Variants in DLGAP2 observed in about 807,000 individuals in gnomAD.
DLGAP2 encodes disks large-associated protein 2.
A neutral mutation model predicts 100.3 loss-of-function variants in DLGAP2; 26 were observed. The ratio of observed to expected loss-of-function variants is 0.26; its 90% confidence interval spans 0.19 to 0.36. DLGAP2 has a LOEUF of 0.36. Among genes scored for constraint, DLGAP2 ranks in the 10% least tolerant of loss-of-function variants. The pLI, the probability that DLGAP2 is intolerant of heterozygous loss-of-function variation, is 1.00. For missense variants in DLGAP2, 1,858 were observed against 1,453.2 expected (o/e 1.28, Z -4.53); for synonymous variants, 886 against 630.1 (o/e 1.41, Z -6.08).
intron 2 of DLGAP2, among the ~76,000 whole-genome samples, chr8:1,241,079 G>A (rs1478486458): frequency 6.2e-5 from 4 of 64,650 alleles, no homozygotes; most frequent in South Asian, 8.1e-4. Context: ...ACATGGTGAC[G>A]TGTCTAGTTC....
Position 1,703,591 on chromosome 8 carries a change from C to T in DLGAP2, c.*2185C>T, listed in dbSNP as rs2130898422. The T allele has an allele frequency of 6.6e-6, 1 of 152,278 alleles. No homozygotes were observed. Among genetic ancestry groups the T allele is most frequent in the East Asian group, 1.9e-4 (1 of 5,182 alleles). 9.4% of individuals were successfully genotyped at this position (152,278 alleles called of 1,614,324 possible). ...AAAGGAAATGTAATGTGGATAAAGG[C>T]CCGCCACCTCCTCACATTGGTCTAT... On this transcript the variant is annotated 3_prime_UTR_variant, in exon 15 of 15. Coordinates refer to ENST00000637795, the MANE Select transcript of DLGAP2 (RefSeq NM_001346810.2).
At chr8:881,106 C>G (rs1797781964) in intron 1 of DLGAP2, among the ~76,000 whole-genome samples, 1 of 152,202 alleles carries the variant, frequency 6.6e-6, no homozygotes, top group Non-Finnish European at 1.5e-5. Context: ...ATAAAAATGA[C>G]TTAGAGCAAT....
chr8:1,325,377 C>T (rs971911515), intron 3 of DLGAP2, among the ~76,000 whole-genome samples: 7 of 152,228 alleles, frequency 4.6e-5, no homozygotes, highest in East Asian at 1.9e-4. Context: ...GGCGTCCTCC[C>T]ACCTCCAGCA....
intron 3 of DLGAP2, among the ~76,000 whole-genome samples, chr8:1,434,329 G>A (rs1180492761): frequency 6.6e-6 from 1 of 152,166 alleles, no homozygotes; most frequent in Non-Finnish European, 1.5e-5. Flanking sequence ...GACACCAGGT[G>A]GAAGAGCCAT....
rs534069587 is a variant in DLGAP2 at position 1,506,078 on chromosome 8, C to A, written c.172+4647C>A. ...TACTTAGAGCCTTCCACCTGGCAGG[C>A]ACATAGATTGTGAACATGTTTTTAT... On this transcript the variant is annotated intron_variant, in intron 4 of 14. Transcript: ENST00000637795. 5.2e-4 allele frequency among the ~76,000 whole-genome samples: 79 copies of A among 152,304 alleles called. No homozygotes were observed. The South Asian group carries it at 0.016, about 30-fold the overall frequency.
chr8:1,305,803 C>T lies in DLGAP2; in HGVS notation c.106+46920C>T, dbSNP rs549180950. Among the ~76,000 whole-genome samples, 20 of 152,254 alleles carry T rather than the reference C, an allele frequency of 1.3e-4. No homozygotes were observed. The South Asian group carries it at 2.7e-3, about 21-fold the overall frequency. ...AGAGCACTTGAGTAACAACAGCTAC[C>T]GCCCCACTCAACAGCAGATGACTGA... On this transcript the variant is annotated intron_variant, in intron 3 of 14. Coordinates refer to ENST00000637795, the MANE Select transcript of DLGAP2 (RefSeq NM_001346810.2).
At chr8:1,322,679 G>A (rs147735727) in intron 3 of DLGAP2, among the ~76,000 whole-genome samples, 6 of 152,120 alleles carry the variant, frequency 3.9e-5, no homozygotes, top group Admixed American at 2.6e-4. Flanking sequence ...ATCGTGCTGC[G>A]TCCTGCCTCT....
intron 12 of DLGAP2, among the ~76,000 whole-genome samples, chr8:1,682,524 G>C (rs757069593): frequency 1.1e-4 from 17 of 151,652 alleles, no homozygotes; most frequent in South Asian, 2.1e-4. Context: ...TCCCAGGCTG[G>C]AGTGCAATGG....
At chr8:1,236,890 A>T (rs1296408208) in intron 2 of DLGAP2, among the ~76,000 whole-genome samples, 1 of 120,644 alleles carries the variant, frequency 8.3e-6, no homozygotes, top group Non-Finnish European at 1.7e-5. Flanking sequence ...TAGTTCTCTA[A>T]CATGGCGCCA....
intron 1 of DLGAP2, among the ~76,000 whole-genome samples, chr8:762,954 G>C (rs927290827): frequency 1.3e-5 from 2 of 152,184 alleles, no homozygotes; most frequent in Non-Finnish European, 2.9e-5. Context: ...TGGGATTACA[G>C]GCGTGAGCCA....
intron 2 of DLGAP2, among the ~76,000 whole-genome samples, chr8:1,187,798 A>G (rs1210544953): frequency 1.6e-5 from 2 of 128,728 alleles, no homozygotes; most frequent in Non-Finnish European, 3.1e-5. Flanking sequence ...CGTTTGCCTC[A>G]TGGAATCTCA....
chr8:868,175 G>C (rs953954498), intron 1 of DLGAP2, among the ~76,000 whole-genome samples: 12 of 152,280 alleles, frequency 7.9e-5, no homozygotes, highest in South Asian at 4.1e-4. Context: ...AGTGAGTAAA[G>C]GGTTTATGAG....
chr8:1,354,412 C>G (rs1801802265), intron 3 of DLGAP2, among the ~76,000 whole-genome samples: 1 of 152,178 alleles, frequency 6.6e-6, no homozygotes, highest in South Asian at 2.1e-4. Context: ...ACTCGGGAGA[C>G]TGAGGCACCA....
chr8:1,548,909 G>A lies in DLGAP2; in HGVS notation c.456G>A (p.Leu152=). 1 of 1,597,874 alleles carries A rather than the reference G, an allele frequency of 6.3e-7. No individual in the cohort carries two copies. The highest frequency in any genetic ancestry group is 8.5e-7 in the Non-Finnish European group (1 of 1,178,876). ...HSECVMMPVV[L]GDHVSSSTFP... is the part of the protein sequence containing the mutation. Reference sequence around the variant, plus strand: ...AGTGCGTGATGATGCCGGTGGTGCTGGGCGACCACGTGTCCAGCAGCACCT... The same window carrying A: ...AGTGCGTGATGATGCCGGTGGTGCTAGGCGACCACGTGTCCAGCAGCACCT... Residue 152 remains leucine, a synonymous_variant, in exon 5 of 15, where the codon CTG becomes CTA. Coordinates refer to ENST00000637795, the MANE Select transcript of DLGAP2 (RefSeq NM_001346810.2).
At chr8:1,206,500 T>G (rs1304679244) in intron 2 of DLGAP2, among the ~76,000 whole-genome samples, 475 of 151,500 alleles carry the variant, frequency 3.1e-3, no homozygotes, top group Middle Eastern at 0.01. Flanking sequence ...GGGGGTAGAC[T>G]GTGAGCGGTT....
At chr8:941,652 A>G (rs1315616924) in intron 2 of DLGAP2, among the ~76,000 whole-genome samples, 1 of 152,200 alleles carries the variant, frequency 6.6e-6, no homozygotes, top group Non-Finnish European at 1.5e-5. Flanking sequence ...TCTGCCAGCC[A>G]CAGCGAAAAG....
chr8:1,114,534 C>G (rs528668662), intron 2 of DLGAP2, among the ~76,000 whole-genome samples: 61 of 151,938 alleles, frequency 4.0e-4, no homozygotes, highest in Non-Finnish European at 7.1e-4. Flanking sequence ...TCTGTGGGGT[C>G]AGTGGTAACA....
intron 2 of DLGAP2, among the ~76,000 whole-genome samples, chr8:1,254,916 A>AGGTGCTGTGTGTGTGCCCTCTGCTGCCCG (rs1563043017): frequency 1.7e-4 from 16 of 94,790 alleles, no homozygotes; most frequent in African/African-American, 3.7e-4. Flanking sequence ...TCTCCTGCCC[A>AGGTGCTGTGTGTGTGCCCTCTGCTGCCCG]GGTGCTGTGT....
At chr8:957,096 G>C (rs1303594155) in intron 2 of DLGAP2, among the ~76,000 whole-genome samples, 1 of 152,216 alleles carries the variant, frequency 6.6e-6, no homozygotes, top group Non-Finnish European at 1.5e-5. Context: ...AGATGTGGGA[G>C]AGGAGGTTTT....
Sources: allele counts gnomAD v4.1 joint callset (sites outside exome capture counted in the v4.1 genomes callset), GRCh38; gene constraint gnomAD v4.1.1; transcripts MANE v1.5; gene names NCBI Gene and HGNC (gene_info 2026-07-23, HGNC 2026-07-21).